Variants in FOXP2 observed in about 807,000 individuals in gnomAD.
The protein encoded by FOXP2 is forkhead box protein P2.
In FOXP2, 12 loss-of-function variants were observed where a neutral mutation model predicts 115.8. The ratio of observed to expected loss-of-function variants is 0.10; its 90% CI spans 0.07 to 0.17. FOXP2 has a LOEUF of 0.17. Ranked by LOEUF, FOXP2 falls within the 10% of genes least tolerant of loss-of-function variation. The pLI is 1.00. For missense variants in FOXP2, 629 were observed against 843.5 expected (o/e 0.75, Z 3.15); for synonymous variants, 328 against 297.7 (o/e 1.10, Z -1.05).
intron 2 of FOXP2, among the ~76,000 whole-genome samples, chr7:114,302,679 G>A (rs1796906240): frequency 6.6e-6 from 1 of 152,126 alleles, no homozygotes; most frequent in African/African-American, 2.4e-5. Context: ...CCTATGACTT[G>A]TTTCTAGCTA....
At chr7:114,651,129 C>G (rs1314463464) in intron 8 of FOXP2, among the ~76,000 whole-genome samples, 2 of 151,554 alleles carry the variant, frequency 1.3e-5, no homozygotes, top group Non-Finnish European at 2.9e-5. Flanking sequence ...TTCAGTATAC[C>G]CAGGGCTATT....
intron 2 of FOXP2, among the ~76,000 whole-genome samples, chr7:114,374,381 G>A (rs1444263995): frequency 6.6e-6 from 1 of 152,106 alleles, no homozygotes; most frequent in African/African-American, 2.4e-5. Context: ...AATAATGTGA[G>A]ATTTCAGTAA....
At chr7:114,683,240 A>T (rs535478508) in intron 16 of FOXP2, among the ~76,000 whole-genome samples, 2 of 152,336 alleles carry the variant, frequency 1.3e-5, no homozygotes, top group Non-Finnish European at 2.9e-5. Context: ...TTCACTCAAC[A>T]TGTATTTACA....
intron 2 of FOXP2, among the ~76,000 whole-genome samples, chr7:114,405,885 T>A (rs1027171322): frequency 6.6e-6 from 1 of 151,894 alleles, no homozygotes; most frequent in Non-Finnish European, 1.5e-5. Context: ...CTCTTTTTAA[T>A]CATGTGATAC....
chr7:114,398,908 G>C (rs1792809262), intron 2 of FOXP2, among the ~76,000 whole-genome samples: 1 of 152,146 alleles, frequency 6.6e-6, no homozygotes, highest in African/African-American at 2.4e-5. Context: ...CACTTGGCAG[G>C]TAGTGAGCAC....
chr7:114,111,449 C>A (rs12539855), intron 1 of FOXP2, among the ~76,000 whole-genome samples: 110 of 152,212 alleles, frequency 7.2e-4, no homozygotes, highest in Non-Finnish European at 8.2e-4. Context: ...AAGAACCATG[C>A]AGCTAACACA....
Position 114,317,314 on chromosome 7 carries a change from C to T in FOXP2, c.-11+29205C>T, listed in dbSNP as rs373973784. 5.1e-4 allele frequency among the ~76,000 whole-genome samples: 78 copies of T among 152,128 alleles called. No homozygotes were observed. In the South Asian group the frequency reaches 7.0e-3, roughly 14 times the overall value. Reference sequence around the variant, plus strand: ...ATATGTTTGAATATAAGCAATAGATCGAAACCAATAACTTAGAGATGCTTT... The same window carrying T: ...ATATGTTTGAATATAAGCAATAGATTGAAACCAATAACTTAGAGATGCTTT... On this transcript the variant is annotated intron_variant, in intron 2 of 17. Transcript: ENST00000634411.
intron 3 of FOXP2, among the ~76,000 whole-genome samples, chr7:114,551,169 C>G (rs186867429): frequency 6.6e-6 from 1 of 152,152 alleles, no homozygotes; most frequent in South Asian, 2.1e-4. Flanking sequence ...ATTTGCAAAA[C>G]TGTTTTACAG....
At chr7:114,163,546 G>A (rs746077248) in intron 1 of FOXP2, among the ~76,000 whole-genome samples, 2 of 152,028 alleles carry the variant, frequency 1.3e-5, no homozygotes, top group Non-Finnish European at 2.9e-5. Context: ...TCCGTGTGGT[G>A]AAACTGAATT....
intron 1 of FOXP2, among the ~76,000 whole-genome samples, chr7:114,151,358 A>G (rs1792523304): frequency 6.6e-6 from 1 of 152,042 alleles, no homozygotes; most frequent in Non-Finnish European, 1.5e-5. Flanking sequence ...TTTCACTCAA[A>G]TTTTCATAAT....
At chr7:114,437,394 T>G (rs1343698022) in intron 2 of FOXP2, among the ~76,000 whole-genome samples, 1 of 152,206 alleles carries the variant, frequency 6.6e-6, no homozygotes, top group Non-Finnish European at 1.5e-5. Context: ...CCTTAGATGA[T>G]CGTTACCTCT....
At chr7:114,578,789 A>G (rs1460874030) in intron 3 of FOXP2, among the ~76,000 whole-genome samples, 1 of 152,104 alleles carries the variant, frequency 6.6e-6, no homozygotes, top group Admixed American at 6.6e-5. Flanking sequence ...TGTTTTATTT[A>G]TAGGTCAAGG....
At chr7:114,300,710 G>A (rs1796858256) in intron 2 of FOXP2, among the ~76,000 whole-genome samples, 1 of 151,800 alleles carries the variant, frequency 6.6e-6, no homozygotes, top group African/African-American at 2.4e-5. Flanking sequence ...AGACAATGTT[G>A]TTGTGAATCA....
intron 8 of FOXP2, among the ~76,000 whole-genome samples, chr7:114,650,178 T>A (rs1278641288): frequency 6.6e-6 from 1 of 152,106 alleles, no homozygotes; most frequent in African/African-American, 2.4e-5. Flanking sequence ...TTGTACTTTT[T>A]TTAGTTCTTT....
intron 2 of FOXP2, among the ~76,000 whole-genome samples, chr7:114,303,386 T>C (rs1457431270): frequency 6.6e-6 from 1 of 152,132 alleles, no homozygotes; most frequent in African/African-American, 2.4e-5. Context: ...ATTAAAGAAC[T>C]TATGATGTTT....
At chr7:114,626,069 T>C (rs899124142) in intron 3 of FOXP2, among the ~76,000 whole-genome samples, 1 of 151,826 alleles carries the variant, frequency 6.6e-6, no homozygotes, top group Non-Finnish European at 1.5e-5. Flanking sequence ...AAAAATCACA[T>C]ACATGTGACC....
intron 3 of FOXP2, among the ~76,000 whole-genome samples, chr7:114,591,469 A>G (rs1247598848): frequency 6.6e-6 from 1 of 152,094 alleles, no homozygotes; most frequent in Non-Finnish European, 1.5e-5. Flanking sequence ...AATACTTTTT[A>G]TATTGAACTA....
chr7:114,605,927 A>G (rs1020599705), intron 3 of FOXP2, among the ~76,000 whole-genome samples: 3 of 152,178 alleles, frequency 2.0e-5, no homozygotes, highest in Admixed American at 1.3e-4. Flanking sequence ...GGCAACAACG[A>G]GTAGTATTGA....
chr7:114,329,200 G>T (rs1367359077), intron 2 of FOXP2, among the ~76,000 whole-genome samples: 1 of 152,080 alleles, frequency 6.6e-6, no homozygotes, highest in East Asian at 1.9e-4. Context: ...ATAAATAAAA[G>T]CATTATTATG....
Sources: gnomAD v4.1 joint callset for allele counts (sites outside exome capture counted in the v4.1 genomes callset) on GRCh38, gnomAD v4.1.1 for gene constraint, MANE v1.5 for transcripts, NCBI Gene and HGNC (gene_info 2026-07-23, HGNC 2026-07-21) for gene names.